EYS: variants seen among roughly 807,000 people sequenced by gnomAD.
EYS encodes the protein protein eyes shut homolog.
A neutral mutation model predicts 282.1 loss-of-function variants in EYS; 250 were observed. The ratio of observed to expected loss-of-function variants is 0.89; its 90% CI spans 0.80 to 0.98. EYS has a LOEUF of 0.98. Among genes scored for constraint, EYS ranks in the 50% least tolerant of loss-of-function variants. The pLI, the probability that EYS is intolerant of heterozygous loss-of-function variation, is 0.00. For missense variants in EYS, 4,016 were observed against 3,709.0 expected, an observed-to-expected ratio of 1.08 and a Z score of -2.15; for synonymous variants, 1,355 against 1,282.9, an observed-to-expected ratio of 1.06 and a Z score of -1.20.
chr6:63,945,478 G>A (rs1334360603), intron 35 of EYS, among the ~76,000 whole-genome samples: 5 of 152,146 alleles, frequency 3.3e-5, no homozygotes, highest in Non-Finnish European at 7.4e-5. Flanking sequence ...GTAGGTTTAG[G>A]TAAAGATTAA....
chr6:65,614,386 T>TA (rs1455928299), intron 2 of EYS, among the ~76,000 whole-genome samples: 1 of 152,014 alleles, frequency 6.6e-6, no homozygotes, highest in South Asian at 2.1e-4. Flanking sequence ...GTATATTTGG[T>TA]AAAAATGGTA....
At chr6:64,626,576 A>C (rs1436036075) in intron 22 of EYS, among the ~76,000 whole-genome samples, 1 of 152,188 alleles carries the variant, frequency 6.6e-6, no homozygotes. Flanking sequence ...AGAGACCCAC[A>C]GGGGAGAAGG....
intron 5 of EYS, among the ~76,000 whole-genome samples, chr6:65,463,057 C>A (rs1413356202): frequency 6.6e-6 from 1 of 152,052 alleles, no homozygotes; most frequent in African/African-American, 2.4e-5. Flanking sequence ...ATTTCCCTCT[C>A]ACCACAGCAG....
intron 39 of EYS, among the ~76,000 whole-genome samples, chr6:63,783,207 A>G (rs1452845431): frequency 6.6e-6 from 1 of 152,242 alleles, no homozygotes; most frequent in South Asian, 2.1e-4. Context: ...AATAACCTCC[A>G]TATCAATGAG....
At chr6:65,063,530 A>G (rs955420543) in intron 12 of EYS, among the ~76,000 whole-genome samples, 1 of 152,066 alleles carries the variant, frequency 6.6e-6, no homozygotes, top group Non-Finnish European at 1.5e-5. Flanking sequence ...AAGTCAGAGC[A>G]GTAGCTCTTT....
At chr6:64,335,139 C>G (rs1165942992) in intron 29 of EYS, among the ~76,000 whole-genome samples, 1 of 151,962 alleles carries the variant, frequency 6.6e-6, no homozygotes, top group Non-Finnish European at 1.5e-5. Context: ...TTGTGTCGAG[C>G]ACAAAGGGGG....
At chr6:63,921,185 C>T (rs1233033466) in intron 35 of EYS, among the ~76,000 whole-genome samples, 5 of 152,150 alleles carry the variant, frequency 3.3e-5, no homozygotes, top group Non-Finnish European at 5.9e-5. Flanking sequence ...CGTGAGCCAC[C>T]GCGCCGGCCA....
At chr6:65,590,190 A>C (rs1765183557) in intron 2 of EYS, among the ~76,000 whole-genome samples, 1 of 152,050 alleles carries the variant, frequency 6.6e-6, no homozygotes, top group Admixed American at 6.6e-5. Context: ...AAAGCCAGGA[A>C]AGGGTAGCAT....
At chr6:65,695,135 G>T (rs1359456285) in intron 1 of EYS, among the ~76,000 whole-genome samples, 1 of 152,028 alleles carries the variant, frequency 6.6e-6, no homozygotes, top group African/African-American at 2.4e-5. Context: ...AGGTGTCCAT[G>T]TACATAGAAA....
intron 22 of EYS, among the ~76,000 whole-genome samples, chr6:64,727,565 T>G (rs1336674040): frequency 6.6e-6 from 1 of 152,152 alleles, no homozygotes; most frequent in Non-Finnish European, 1.5e-5. Context: ...AACTATATAA[T>G]TATTTTCCGG....
At chr6:65,548,385 G>A (rs1768471154) in intron 2 of EYS, among the ~76,000 whole-genome samples, 1 of 151,834 alleles carries the variant, frequency 6.6e-6, no homozygotes, top group African/African-American at 2.4e-5. Flanking sequence ...ATTTTTATAG[G>A]ACATTAAAAA....
At chr6:64,714,516 CTTTTTTTT>C (rs55730437) in intron 22 of EYS, among the ~76,000 whole-genome samples, 4 of 127,912 alleles carry the variant, frequency 3.1e-5, no homozygotes, top group African/African-American at 8.9e-5. Flanking sequence ...TTCTTTCTTT[CTTTTTTTT>C]TTTTTTTTTT....
intron 6 of EYS, among the ~76,000 whole-genome samples, chr6:65,403,797 C>T (rs187087000): frequency 6.6e-6 from 1 of 152,038 alleles, no homozygotes; most frequent in East Asian, 1.9e-4. Flanking sequence ...AAAGTCGCTT[C>T]TTATATTAAG....
chr6:65,109,670 AAC>A (rs1491106740), intron 12 of EYS, among the ~76,000 whole-genome samples: 1 of 151,634 alleles, frequency 6.6e-6, no homozygotes, highest in African/African-American at 2.4e-5. Flanking sequence ...AAAAAAAAAA[AAC>A]ACCTTTTTTT....
intron 30 of EYS, among the ~76,000 whole-genome samples, chr6:64,258,605 G>A (rs1767481535): frequency 6.6e-6 from 1 of 152,040 alleles, no homozygotes; most frequent in Admixed American, 6.6e-5. Context: ...CTGTTTCAAA[G>A]TCAGCATAGT....
intron 5 of EYS, among the ~76,000 whole-genome samples, chr6:65,428,507 A>ATT (rs5876963): frequency 0.014 from 2,063 of 147,632 alleles, 23 homozygotes; most frequent in Non-Finnish European, 0.022. Context: ...CATTAAACTC[A>ATT]TTTTTTTTTT....
intron 26 of EYS, among the ~76,000 whole-genome samples, chr6:64,471,397 C>T (rs1444860026): frequency 6.6e-6 from 1 of 151,878 alleles, no homozygotes; most frequent in Non-Finnish European, 1.5e-5. Flanking sequence ...TCAGTAAAGC[C>T]CAGACACAAA....
chr6:65,618,612 A>G (rs1323159048), intron 2 of EYS, among the ~76,000 whole-genome samples: 1 of 152,146 alleles, frequency 6.6e-6, no homozygotes, highest in Non-Finnish European at 1.5e-5. Context: ...GGTGTTTTAC[A>G]TATGAAGTCC....
chr6:64,732,222 C>CCG (rs199685893), intron 22 of EYS, among the ~76,000 whole-genome samples: 7,070 of 151,806 alleles, frequency 0.047, 220 homozygotes, highest in East Asian at 0.18. Context: ...TGATGGGTTG[C>CCG]TGGGTGCAGC....
Sources: gnomAD v4.1 joint callset for allele counts (sites outside exome capture counted in the v4.1 genomes callset) on GRCh38, gnomAD v4.1.1 for gene constraint, MANE v1.5 for transcripts, NCBI Gene and HGNC (gene_info 2026-07-23, HGNC 2026-07-21) for gene names.